CIDEB: variants seen among roughly 807,000 people sequenced by gnomAD.
The protein encoded by CIDEB is lipid transferase CIDEB.
CIDEB carries 27 observed loss-of-function variants against 22.4 expected under a neutral mutation model. The ratio of observed to expected loss-of-function variants is 1.21; its 90% CI spans 0.89 to 1.66. The LOEUF is 1.66. Among genes scored for constraint, CIDEB ranks in the 40% most tolerant of loss-of-function variants. The pLI, the probability that CIDEB is intolerant of heterozygous loss-of-function variation, is 0.00. For missense variants in CIDEB, 289 were observed against 268.7 expected (o/e 1.08, Z -0.53); for synonymous variants, 103 against 109.5 (o/e 0.94, Z 0.37).
upstream of CIDEB, chr14:24,310,296 A>G (rs2041647086): frequency 6.9e-6 from 4 of 583,072 alleles, no homozygotes; most frequent in Admixed American, 3.0e-5. Context: ...CCCACCATCC[A>G]GTTTTGCCCA....
upstream of CIDEB, chr14:24,308,793 T>G (rs1434095778): frequency 6.6e-6 from 1 of 152,202 alleles, no homozygotes; most frequent in East Asian, 1.9e-4. Flanking sequence ...CAAGGATCCT[T>G]GTAGGGTCCC....
upstream of CIDEB, chr14:24,311,357 T>A (rs1395232455): frequency 1.6e-5 from 26 of 1,605,226 alleles, no homozygotes; most frequent in Non-Finnish European, 2.1e-5. Context: ...CCATCGTGCT[T>A]GCCTTCGGCT....
upstream of CIDEB, chr14:24,311,065 G>C: frequency 6.4e-7 from 1 of 1,564,220 alleles, no homozygotes; most frequent in Non-Finnish European, 8.6e-7. Context: ...CGGCTGCGCA[G>C]CCCGGCCCTG....
At chr14:24,306,609 A>G in intron 2 of CIDEB, 86 bp from the exon 3 acceptor site, 1 of 1,568,468 alleles carries the variant, frequency 6.4e-7, no homozygotes, top group Non-Finnish European at 8.7e-7. Flanking sequence ...AGTTGGCTCT[A>G]GACATTGGTC....
At chr14:24,307,689 C>A in intron 1 of CIDEB, 129 bp downstream of exon 1, 1 of 1,269,268 alleles carries the variant, frequency 7.9e-7, no homozygotes, top group Non-Finnish European at 1.1e-6. Context: ...AGGAGCTTGA[C>A]AAGCCCACTG....
At chr14:24,310,818 C>A (rs754003053), upstream of CIDEB, 123 of 1,594,374 alleles carry the variant, frequency 7.7e-5, no homozygotes, top group Middle Eastern at 1.7e-4. Flanking sequence ...GCGGCCTGCA[C>A]GGGGGCGACC....
intron 4 of CIDEB, 77 bp from the exon 5 acceptor site, chr14:24,305,842 T>C (rs1184059583): frequency 1.9e-6 from 3 of 1,590,848 alleles, no homozygotes; most frequent in African/African-American, 1.3e-5. Flanking sequence ...AGATGAGGAC[T>C]TTCCACAAGC....
upstream of CIDEB, chr14:24,311,217 G>A (rs1252619720): frequency 1.2e-6 from 2 of 1,609,210 alleles, no homozygotes; most frequent in Non-Finnish European, 1.7e-6. Flanking sequence ...CCTGAGCCTG[G>A]AGACTCTGAC....
upstream of CIDEB, chr14:24,310,578 C>CCTT: frequency 2.2e-6 from 3 of 1,387,910 alleles, no homozygotes; most frequent in Non-Finnish European, 3.1e-6. Flanking sequence ...AGGCATGGCA[C>CCTT]CTTCTCATCG....
Position 24,305,761 on chromosome 14 carries a change from G to T in CIDEB, c.532C>A (p.Leu178Ile). Residue 178 changes from leucine to isoleucine, a missense_variant, in exon 5 of 5, where the codon CTC becomes ATC. Leu to Ile is a conservative substitution (Grantham distance 5). Coordinates refer to ENST00000554411, the MANE Select transcript of CIDEB (RefSeq NM_001393339.1). ...GLGPKKVLRE[L>I]LRWTSTLLQG... ...AGCAGTGTGGAGGTCCAACGAAGGA[G>T]CTCCCTGAATGGCAGAGACAAGAGG... is the stretch of plus-strand genomic sequence containing the variant. 6.2e-7 allele frequency: 1 copy of T among 1,613,200 alleles called. No individual in the cohort carries two copies. The highest frequency in any genetic ancestry group is 1.1e-5 in the South Asian group (1 of 90,890).
Position 24,305,513 on chromosome 14 carries a change from A to G in CIDEB, c.*120T>C, listed in dbSNP as rs1594625121. On this transcript the variant is annotated 3_prime_UTR_variant, in exon 5 of 5. Coordinates refer to ENST00000554411, the MANE Select transcript of CIDEB (RefSeq NM_001393339.1). ...TTCTGTCACGAGGGGATCAGAGGAC[A>G]GTGGGGAAATTGGGTGGGTTATCTA... The G allele has an allele frequency of 1.6e-6, 2 of 1,219,000 alleles. No individual in the cohort carries two copies. The highest frequency in any genetic ancestry group is 2.3e-6 in the Non-Finnish European group (2 of 868,036). The allele number at this position is 1,219,000 out of a possible 1,614,324, so 75.5% of individuals were successfully genotyped here. A position where few individuals can be genotyped will look rare whatever the true frequency, so the allele number is the denominator to read the frequency against.
chr14:24,305,825 A>G, intron 4 of CIDEB, 60 bp from the exon 5 acceptor site: 1 of 1,600,142 alleles, frequency 6.2e-7, no homozygotes, highest in Non-Finnish European at 8.5e-7. Flanking sequence ...GAAGCCATCA[A>G]GCTGGGAGAT....
chr14:24,305,827 C>T, intron 4 of CIDEB, 62 bp from the exon 5 acceptor site: 1 of 1,598,664 alleles, frequency 6.3e-7, no homozygotes, highest in South Asian at 1.1e-5. Flanking sequence ...AGCCATCAAG[C>T]TGGGAGATGA....
upstream of CIDEB, chr14:24,310,818 C>T: frequency 5.6e-6 from 9 of 1,594,490 alleles, no homozygotes; most frequent in African/African-American, 1.3e-5. Flanking sequence ...GCGGCCTGCA[C>T]GGGGGCGACC....
chr14:24,306,341 G>A, intron 3 of CIDEB, 33 bp downstream of exon 3: 1 of 1,613,698 alleles, frequency 6.2e-7, no homozygotes, highest in South Asian at 1.1e-5. Context: ...TAAAGGACAG[G>A]CATTGGAAGC....
At chr14:24,309,254 G>A (rs2041614218), upstream of CIDEB, 1 of 152,196 alleles carries the variant, frequency 6.6e-6, no homozygotes, top group Admixed American at 6.5e-5. Context: ...CACTTCCTGA[G>A]TTAACCTCCC....
chr14:24,306,541 G>A lies in CIDEB; in HGVS notation c.187-18C>T. On this transcript the variant is annotated intron_variant, in intron 2 of 4. Coordinates refer to ENST00000554411, the MANE Select transcript of CIDEB (RefSeq NM_001393339.1). ...TCCAATGCCTGCCCAATGGCAAGAA[G>A]CAAGAAGGGCAGGTCTTATCCCATG... The A allele has an allele frequency of 6.2e-7, 1 of 1,614,236 alleles. No individual in the cohort carries two copies. The highest frequency in any genetic ancestry group is 8.5e-7 in the Non-Finnish European group (1 of 1,180,030).
At chr14:24,311,363 C>A, upstream of CIDEB, 1 of 1,604,892 alleles carries the variant, frequency 6.2e-7, no homozygotes, top group African/African-American at 1.3e-5. Flanking sequence ...TGCTTGCCTT[C>A]GGCTTGCTCT....
rs1343536919 is a variant in CIDEB, at chr14:24,305,304, T to A, written c.*329A>T. 2 of 580,994 alleles carry A rather than the reference T, an allele frequency of 3.4e-6. No individual in the cohort carries two copies. The highest frequency in any genetic ancestry group is 3.8e-5 in the African/African-American group (2 of 52,530). 36.0% of individuals were successfully genotyped at this position (580,994 alleles called of 1,614,324 possible). ...GGCTGTCATCAGTATGCTGGGGAGT[T>A]TAGGGACAGGAGGCATTGGTAGGGG... On this transcript the variant is annotated 3_prime_UTR_variant, in exon 5 of 5. Coordinates refer to ENST00000554411, the MANE Select transcript of CIDEB (RefSeq NM_001393339.1).
Sources: allele counts gnomAD v4.1 joint callset, GRCh38; gene constraint gnomAD v4.1.1; transcripts MANE v1.5; gene names NCBI Gene and HGNC (gene_info 2026-07-23, HGNC 2026-07-21).